AASDH: variants seen among roughly 807,000 people sequenced by gnomAD.
AASDH encodes beta-alanine-activating enzyme.
AASDH carries 81 observed loss-of-function variants against 102.3 expected under a neutral mutation model. That is an observed-to-expected ratio of 0.79 (90% CI 0.66 to 0.95). The LOEUF (loss-of-function observed/expected upper bound fraction) is 0.95. Among genes scored for constraint, AASDH ranks in the 40% least tolerant of loss-of-function variants. AASDH has a pLI of 0.00. For missense variants in AASDH, 1,203 were observed against 1,266.2 expected (o/e 0.95, Z 0.76); for synonymous variants, 398 against 454.0 (o/e 0.88, Z 1.57).
At chr4:56,365,681 G>C (rs902811892) in intron 5 of AASDH, among the ~76,000 whole-genome samples, 1 of 152,034 alleles carries the variant, frequency 6.6e-6, no homozygotes, top group Non-Finnish European at 1.5e-5. Context: ...CGAGAACAAA[G>C]ACACAACATA....
chr4:56,342,177 A>G (rs1747782192), intron 14 of AASDH, among the ~76,000 whole-genome samples: 1 of 151,752 alleles, frequency 6.6e-6, no homozygotes, highest in South Asian at 2.1e-4. Context: ...AAAACAGGTT[A>G]GTTAATAGGT....
chr4:56,360,749 C>T lies in AASDH; in HGVS notation c.862-5326G>A, dbSNP rs988504685. The stretch of plus-strand genomic sequence containing the variant: ...TTAAATTGTTTCTCTCAATAAAATC[C>T]ATACGGAGTTGTAACAGACAACCTG... On this transcript the variant is annotated intron_variant, in intron 5 of 14. Coordinates refer to ENST00000205214, the MANE Select transcript of AASDH (RefSeq NM_181806.4). Among the ~76,000 whole-genome samples, 11 of 152,104 alleles carry T rather than the reference C, an allele frequency of 7.2e-5. No individual in the cohort carries two copies. The South Asian group carries it at 1.7e-3, about 23-fold the overall frequency.
chr4:56,343,085 T>C, intron 13 of AASDH, 119 bp from the exon 14 acceptor site: 1 of 989,260 alleles, frequency 1.0e-6, no homozygotes, highest in Non-Finnish European at 1.4e-6. Flanking sequence ...AATGCTGTAG[T>C]GGTATGCAGA....
intron 14 of AASDH, among the ~76,000 whole-genome samples, chr4:56,340,088 G>C (rs1006982422): frequency 2.6e-5 from 4 of 152,176 alleles, no homozygotes; most frequent in African/African-American, 9.7e-5. Flanking sequence ...AGAATGGCTT[G>C]AACCCGGGAG....
chr4:56,338,887 T>C (rs1747256835), intron 14 of AASDH, 96 bp from the exon 15 acceptor site: 1 of 1,231,356 alleles, frequency 8.1e-7, no homozygotes, highest in Non-Finnish European at 1.1e-6. Context: ...ATCTAAGAGA[T>C]ATAGGCTATT....
chr4:56,384,146 G>A lies in AASDH; in HGVS notation c.154C>T (p.His52Tyr). ...TCCCGAATTCCTTGAAAGTCACAGT[G>A]TAACAGCAGAAAATTTGATAATTCA... The part of the protein sequence containing the change: ...ASELSNFLLL[H>Y]CDFQGIREIG... The change falls in exon 2 of 15, where the codon CAC becomes TAC. Residue 52 changes from histidine to tyrosine, a missense_variant. Physicochemically the swap from His to Tyr is moderately conservative, Grantham distance 83. Transcript: ENST00000205214. 6.2e-7 allele frequency: 1 copy of A among 1,614,160 alleles called. No homozygotes were observed. The highest frequency in any genetic ancestry group is 8.5e-7 in the Non-Finnish European group (1 of 1,180,030).
At position 56,338,726 on chromosome 4, in the gene AASDH, T is replaced by G; in HGVS notation, c.2973A>C (p.Lys991Asn). The change falls in exon 15 of 15, where the codon AAA (lysine) becomes AAC (asparagine). Residue 991 changes from lysine to asparagine, a missense_variant. By Grantham distance (94) the Lys-to-Asn change is moderately conservative. Transcript: ENST00000205214. ...SSPCTSPSEQ[K>N]IFFGSHDCFI... ...AGCAATCATGGGAACCAAAAAATAT[T>G]TTTTGCTCTGATGGTGAGGTACACG... is the stretch of plus-strand genomic sequence containing the variant. 1 of 1,614,174 alleles carries G rather than the reference T, an allele frequency of 6.2e-7. No homozygotes were observed. Among genetic ancestry groups the G allele is most frequent in the East Asian group, 2.2e-5 (1 of 44,880 alleles).
At chr4:56,369,304 C>CT (rs1751414715) in intron 5 of AASDH, among the ~76,000 whole-genome samples, 2 of 152,290 alleles carry the variant, frequency 1.3e-5, no homozygotes, top group South Asian at 4.1e-4. Context: ...CTTTTAGTAA[C>CT]TATGAATCAA....
At chr4:56,384,814 C>G (rs1753365796) in intron 1 of AASDH, among the ~76,000 whole-genome samples, 1 of 152,224 alleles carries the variant, frequency 6.6e-6, no homozygotes, top group Non-Finnish European at 1.5e-5. Flanking sequence ...TGGCTCACAC[C>G]TGTAATCCCA....
In AASDH at chr4:56,338,611, A is replaced by AGTT. The variant is rs765200243; in HGVS notation, c.3085_3087dup (p.Asn1029dup). On this transcript the variant is annotated inframe_insertion, in exon 15 of 15. Transcript: ENST00000205214. ...AGCAACATTTCATTGCTGCCATTGT[A>AGTT]GTTATGGAAAGCAAACGGTGTTGCA... 1.8e-5 allele frequency: 29 copies of AGTT among 1,613,940 alleles called. 1 individual carries two copies. Among genetic ancestry groups the AGTT allele is most frequent in the Middle Eastern group, 3.3e-4 (2 of 6,082 alleles).
Position 56,366,027 on chromosome 4 carries a change from A to G in AASDH, c.861+5424T>C, listed in dbSNP as rs1343992126. On this transcript the variant is annotated intron_variant, in intron 5 of 14. Transcript: ENST00000205214. ...AATCAAATAGATGCAATAAAAAATG[A>G]CAAAGGGGATATCACCACCGATCCC... 3.3e-5 allele frequency among the ~76,000 whole-genome samples: 5 copies of G among 152,322 alleles called. No homozygotes were observed. The East Asian group carries it at 9.6e-4, about 29-fold the overall frequency.
chr4:56,368,311 C>T (rs1176372144), intron 5 of AASDH, among the ~76,000 whole-genome samples: 2 of 152,218 alleles, frequency 1.3e-5, no homozygotes, highest in South Asian at 2.1e-4. Flanking sequence ...GTCAGTGTGG[C>T]GATTCCTCAG....
intron 7 of AASDH, 36 bp downstream of exon 7, chr4:56,354,669 G>A: frequency 3.4e-6 from 5 of 1,459,542 alleles, no homozygotes; most frequent in South Asian, 1.3e-5. Flanking sequence ...CATTTTTCTT[G>A]AAAAAAAAAT....
chr4:56,366,465 T>A (rs1330831086), intron 5 of AASDH, among the ~76,000 whole-genome samples: 1 of 151,918 alleles, frequency 6.6e-6, no homozygotes, highest in African/African-American at 2.4e-5. Context: ...GATGCAAAAA[T>A]CCTCAATAAA....
intron 4 of AASDH, among the ~76,000 whole-genome samples, chr4:56,377,120 T>G (rs555664448): frequency 6.6e-6 from 1 of 152,162 alleles, no homozygotes; most frequent in South Asian, 2.1e-4. Flanking sequence ...TTCACTTGAT[T>G]CTTTTTTCTT....
Position 56,353,596 on chromosome 4 carries a change from C to G in AASDH, c.1384G>C (p.Val462Leu), listed in dbSNP as rs1749250437. 1 of 1,583,282 alleles carries G rather than the reference C, an allele frequency of 6.3e-7. No homozygotes were observed. Among genetic ancestry groups the G allele is most frequent in the African/African-American group, 1.4e-5 (1 of 73,104 alleles). Residue 462 changes from valine to leucine, a missense_variant and splice_region_variant, in exon 9 of 15, where the codon GTT becomes CTT. Coordinates refer to ENST00000205214, the MANE Select transcript of AASDH (RefSeq NM_181806.4). Reference sequence around the variant, plus strand: ...TCCACTTGCTGAAGCTCTTCAGCAACCTATAAGAGAGATTATCCTAATTTG... The same window carrying G: ...TCCACTTGCTGAAGCTCTTCAGCAAGCTATAAGAGAGATTATCCTAATTTG... Reference protein sequence around the residue: ...KRLNIELVQQVAEELQQVESC... With the variant: ...KRLNIELVQQLAEELQQVESC...
At chr4:56,372,268 C>A (rs1358452616) in intron 4 of AASDH, among the ~76,000 whole-genome samples, 1 of 152,178 alleles carries the variant, frequency 6.6e-6, no homozygotes, top group East Asian at 1.9e-4. Flanking sequence ...CTTGTGATCA[C>A]CCCTTCCTAA....
intron 8 of AASDH, 81 bp downstream of exon 8, chr4:56,353,958 G>A: frequency 7.8e-7 from 1 of 1,285,812 alleles, no homozygotes; most frequent in Non-Finnish European, 1.0e-6. Context: ...AAATAATAGA[G>A]ACCCCAGCAC....
At chr4:56,368,604 C>G (rs3959575) in intron 5 of AASDH, among the ~76,000 whole-genome samples, 2 of 150,382 alleles carry the variant, frequency 1.3e-5, no homozygotes, top group African/African-American at 4.9e-5. Context: ...TCATTCTCAG[C>G]AAACTATTGC....
Sources: allele counts gnomAD v4.1 joint callset (sites outside exome capture counted in the v4.1 genomes callset), GRCh38; gene constraint gnomAD v4.1.1; transcripts MANE v1.5; gene names NCBI Gene and HGNC (gene_info 2026-07-23, HGNC 2026-07-21).